Variants in RARB observed in about 807,000 individuals in gnomAD.
RARB encodes retinoic acid receptor beta.
A neutral mutation model predicts 51.9 loss-of-function variants in RARB; 17 were observed. That is an observed-to-expected ratio of 0.33 (90% confidence interval 0.22 to 0.49). The LOEUF is 0.49. Ranked by LOEUF, RARB falls within the 20% of genes least tolerant of loss-of-function variation. The probability of loss-of-function intolerance (pLI) is 0.99; values close to 1 mark genes in which losing one functional copy is unlikely to be tolerated. For missense variants in RARB, 369 were observed against 550.8 expected, an observed-to-expected ratio of 0.67 and a Z score of 3.30; for synonymous variants, 215 against 195.4, an observed-to-expected ratio of 1.10 and a Z score of -0.84.
chr3:25,302,194 G>T (rs1023387500), intron 5 of RARB, among the ~76,000 whole-genome samples: 19 of 152,170 alleles, frequency 1.2e-4, no homozygotes, highest in African/African-American at 3.6e-4. Flanking sequence ...ATAAAATGCT[G>T]CAATAGCTTT....
intron 3 of RARB, among the ~76,000 whole-genome samples, chr3:25,069,282 A>G (rs1698723662): frequency 6.6e-6 from 1 of 152,076 alleles, no homozygotes; most frequent in South Asian, 2.1e-4. Flanking sequence ...AACTTGAAAA[A>G]TCCCACTGAT....
chr3:24,928,489 T>A (rs921253087), intron 2 of RARB, among the ~76,000 whole-genome samples: 7 of 152,102 alleles, frequency 4.6e-5, no homozygotes, highest in African/African-American at 1.2e-4. Flanking sequence ...TCTTCTTTTA[T>A]TTTAAAAGAT....
rs533048291 is a variant in RARB at position 25,543,753 on chromosome 3, G to C, written c.449-26005G>C. ...ATGGGCAACTTTGACGAGAAGAGCAGTCAGCTCCCCACAGGGAGGAGCAAG... is the reference window on the plus strand; with the variant it reads ...ATGGGCAACTTTGACGAGAAGAGCACTCAGCTCCCCACAGGGAGGAGCAAG... On this transcript the variant is annotated intron_variant, in intron 3 of 7. Transcript: ENST00000330688. 1.2e-4 allele frequency among the ~76,000 whole-genome samples: 19 copies of C among 152,298 alleles called. No homozygotes were observed. In the East Asian group the frequency reaches 3.5e-3, roughly 28 times the overall value.
At chr3:24,941,589 C>T (rs1385959542) in intron 2 of RARB, among the ~76,000 whole-genome samples, 9 of 152,040 alleles carry the variant, frequency 5.9e-5, no homozygotes, top group Non-Finnish European at 7.4e-5. Context: ...AGGTTGGTCT[C>T]GAACTCCTTA....
At chr3:25,271,719 A>G (rs1426649158) in intron 5 of RARB, among the ~76,000 whole-genome samples, 3 of 152,204 alleles carry the variant, frequency 2.0e-5, no homozygotes, top group Non-Finnish European at 2.9e-5. Context: ...CTTATTCAGT[A>G]ATCTTGTTTA....
intron 4 of RARB, among the ~76,000 whole-genome samples, chr3:25,151,862 C>T (rs867843493): frequency 1.3e-5 from 2 of 151,722 alleles, no homozygotes; most frequent in African/African-American, 4.8e-5. Context: ...TGTGGCTTTT[C>T]TTCACTTCAG....
chr3:25,435,476 G>A (rs1008364141), intron 1 of RARB, among the ~76,000 whole-genome samples: 1 of 152,058 alleles, frequency 6.6e-6, no homozygotes, highest in Admixed American at 6.5e-5. Context: ...TAAAAAGGCC[G>A]ATGATCTGAA....
chr3:25,439,432 G>T (rs1055649323), intron 1 of RARB, among the ~76,000 whole-genome samples: 1 of 152,028 alleles, frequency 6.6e-6, no homozygotes, highest in Non-Finnish European at 1.5e-5. Context: ...TTGAGACAGG[G>T]TCTCGCTCTG....
At chr3:24,955,045 C>T (rs1288799433) in intron 2 of RARB, among the ~76,000 whole-genome samples, 1 of 152,170 alleles carries the variant, frequency 6.6e-6, no homozygotes, top group African/African-American at 2.4e-5. Context: ...ATCCTGCCCT[C>T]TTGGTACCCA....
Position 25,028,236 on chromosome 3 carries a change from T to C in RARB, c.-379-31889T>C, listed in dbSNP as rs564418500. ...CTCAGAACTACTGAAGGATAATCTT[T>C]GTAAATGAGGCCCTGTCATTTGTCT... On this transcript the variant is annotated intron_variant, in intron 2 of 11. Transcript: ENST00000383772. Among the ~76,000 whole-genome samples, 8 of 152,336 alleles carry C rather than the reference T, an allele frequency of 5.3e-5. No individual in the cohort carries two copies. The South Asian group carries it at 1.5e-3, about 28-fold the overall frequency.
At chr3:25,228,573 C>T (rs2363594) in intron 5 of RARB, among the ~76,000 whole-genome samples, 118,098 of 151,768 alleles carry the variant, frequency 0.78, 46,574 homozygotes, top group East Asian at 0.85. Context: ...TTTTTTTAAT[C>T]AGAGAGGAGT....
chr3:25,387,511 T>G (rs2125484476), intron 5 of RARB, among the ~76,000 whole-genome samples: 1 of 152,232 alleles, frequency 6.6e-6, no homozygotes, highest in African/African-American at 2.4e-5. Flanking sequence ...TCCTTCTGTT[T>G]TTTATAGTAT....
chr3:25,253,080 A>T (rs1702769636), intron 5 of RARB, among the ~76,000 whole-genome samples: 1 of 152,192 alleles, frequency 6.6e-6, no homozygotes, highest in African/African-American at 2.4e-5. Context: ...TACATGTGGG[A>T]GGTAGATGAT....
intron 2 of RARB, among the ~76,000 whole-genome samples, chr3:25,012,857 A>G (rs1697427656): frequency 6.6e-6 from 1 of 152,132 alleles, no homozygotes; most frequent in African/African-American, 2.4e-5. Flanking sequence ...GACGGAAATA[A>G]TAATAAGACC....
chr3:25,482,521 ATTTTTTTTTTTTTTTTT>A (rs71087718), intron 2 of RARB, among the ~76,000 whole-genome samples: 36 of 65,788 alleles, frequency 5.5e-4, no homozygotes, highest in African/African-American at 1.8e-3. Context: ...TAGCAGCCAA[ATTTTTTTTTTTTTTTTT>A]TTTTTTTTTT....
At chr3:25,375,632 A>T (rs1267104909) in intron 5 of RARB, among the ~76,000 whole-genome samples, 1 of 152,148 alleles carries the variant, frequency 6.6e-6, no homozygotes, top group Non-Finnish European at 1.5e-5. Flanking sequence ...GCAAACTTGG[A>T]TTCTTGAGGG....
intron 1 of RARB, among the ~76,000 whole-genome samples, chr3:24,831,851 A>G (rs1702287047): frequency 6.6e-6 from 1 of 152,138 alleles, no homozygotes; most frequent in African/African-American, 2.4e-5. Context: ...AATCATAACA[A>G]AACTAAATTG....
At chr3:24,856,854 T>G (rs1702642944) in intron 1 of RARB, among the ~76,000 whole-genome samples, 1 of 152,174 alleles carries the variant, frequency 6.6e-6, no homozygotes, top group Non-Finnish European at 1.5e-5. Flanking sequence ...GCAATTGGAT[T>G]AAGTTGCTTG....
At chr3:24,975,664 T>A (rs1031600463) in intron 2 of RARB, among the ~76,000 whole-genome samples, 8 of 152,196 alleles carry the variant, frequency 5.3e-5, no homozygotes, top group African/African-American at 1.9e-4. Flanking sequence ...TTAAACAGTT[T>A]TATTTGGAGG....
Sources: allele counts gnomAD v4.1 joint callset (sites outside exome capture counted in the v4.1 genomes callset), GRCh38; gene constraint gnomAD v4.1.1; transcripts MANE v1.5; gene names NCBI Gene and HGNC (gene_info 2026-07-23, HGNC 2026-07-21).